Variants in TMEM132D observed in about 807,000 individuals in gnomAD.
The protein encoded by TMEM132D is mature OL transmembrane protein.
In TMEM132D, 21 loss-of-function variants were observed where a neutral mutation model predicts 62.3. The ratio of observed to expected loss-of-function variants is 0.34; its 90% confidence interval spans 0.24 to 0.49. TMEM132D has a LOEUF of 0.49. Among genes scored for constraint, TMEM132D ranks in the 20% least tolerant of loss-of-function variants. The pLI, the probability that TMEM132D is intolerant of heterozygous loss-of-function variation, is 0.99. For missense variants in TMEM132D, 1,346 were observed against 1,402.8 expected, an observed-to-expected ratio of 0.96 and a Z score of 0.65; for synonymous variants, 621 against 575.6, an observed-to-expected ratio of 1.08 and a Z score of -1.13.
intron 4 of TMEM132D, among the ~76,000 whole-genome samples, chr12:129,298,837 C>T (rs1366542742): frequency 2.0e-5 from 3 of 152,170 alleles, no homozygotes; most frequent in Non-Finnish European, 4.4e-5. Flanking sequence ...TAGTGACAGG[C>T]ACTGAACAAG....
At chr12:129,368,336 T>A (rs1297509426) in intron 3 of TMEM132D, among the ~76,000 whole-genome samples, 3 of 152,220 alleles carry the variant, frequency 2.0e-5, no homozygotes, top group African/African-American at 7.2e-5. Flanking sequence ...TGTCTGTATA[T>A]CTGTGTGAAA....
chr12:129,078,442 A>C, intron 8 of TMEM132D, 92 bp downstream of exon 8: 1 of 1,324,600 alleles, frequency 7.5e-7, no homozygotes, highest in Admixed American at 1.9e-5. Context: ...ATCCCACTCT[A>C]TTGTGCGACC....
At chr12:129,552,782 T>C (rs1366046712) in intron 2 of TMEM132D, among the ~76,000 whole-genome samples, 4 of 152,218 alleles carry the variant, frequency 2.6e-5, no homozygotes, top group African/African-American at 9.6e-5. Context: ...TCTAGCTACG[T>C]ACCTACCTAT....
intron 1 of TMEM132D, among the ~76,000 whole-genome samples, chr12:129,891,521 G>T (rs751989531): frequency 6.6e-6 from 1 of 152,180 alleles, no homozygotes; most frequent in Non-Finnish European, 1.5e-5. Flanking sequence ...CAGCGGACTG[G>T]ACACTTTCAA....
rs2135603295 is a variant in TMEM132D at position 129,074,482 on chromosome 12, T to C, written c.2693A>G (p.Asn898Ser). Residue 898 changes from asparagine (N) to serine (S), a missense_variant, in exon 9 of 9, where the codon AAT becomes AGT. Physicochemically the swap from Asn to Ser is conservative, Grantham distance 46. Transcript: ENST00000422113. ...FPAQVDLPRS[N>S]GEMDGNDLMQ... The stretch of plus-strand genomic sequence containing the variant: ...AAGGTCATTCCCATCCATTTCCCCA[T>C]TGCTTCTGGGGAGGTCCACCTGGGC... The C allele has an allele frequency of 2.5e-6, 4 of 1,614,116 alleles. No homozygotes were observed. Among genetic ancestry groups the C allele is most frequent in the Non-Finnish European group, 3.4e-6 (4 of 1,180,024 alleles).
At chr12:129,742,652 A>G (rs1024162371) in intron 1 of TMEM132D, among the ~76,000 whole-genome samples, 3 of 152,204 alleles carry the variant, frequency 2.0e-5, no homozygotes, top group African/African-American at 7.2e-5. Context: ...GCTGCAGAAA[A>G]TTTGATACTC....
At chr12:129,423,938 A>T (rs1872401111) in intron 3 of TMEM132D, among the ~76,000 whole-genome samples, 1 of 152,230 alleles carries the variant, frequency 6.6e-6, no homozygotes. Flanking sequence ...CTCATAGGTT[A>T]GGCTGCCCAG....
chr12:129,633,999 G>A (rs963835032), intron 2 of TMEM132D, among the ~76,000 whole-genome samples: 2 of 152,070 alleles, frequency 1.3e-5, no homozygotes, highest in Non-Finnish European at 2.9e-5. Context: ...TCCGTGTTGC[G>A]GAGGAAGTCC....
chr12:129,574,791 C>G (rs1371138542), intron 2 of TMEM132D, among the ~76,000 whole-genome samples: 2 of 151,738 alleles, frequency 1.3e-5, no homozygotes, highest in South Asian at 2.1e-4. Context: ...TGCTGCGCCC[C>G]TCAGTGTTCT....
Position 129,473,329 on chromosome 12 carries a change from T to TTTG in TMEM132D, c.1115+57729_1115+57730insCAA, listed in dbSNP as rs1555259218. Reference sequence around the variant, plus strand: ...ATAAAGTGATTTTAGTTTTTGTTTTTTTTTTTTTTTTTTTTTTGAGACCAA... The same window carrying TTTG: ...ATAAAGTGATTTTAGTTTTTGTTTTTTTGTTTTTTTTTTTTTTTTTGAGACCAA... On this transcript the variant is annotated intron_variant, in intron 3 of 8. Coordinates refer to ENST00000422113, the MANE Select transcript of TMEM132D (RefSeq NM_133448.3). Among the ~76,000 whole-genome samples, 1,217 of 133,300 alleles carry TTTG rather than the reference T, an allele frequency of 9.1e-3. 34 individuals are homozygous for TTTG. Among genetic ancestry groups the TTTG allele is most frequent in the African/African-American group, 0.033 (1,158 of 35,194 alleles). The allele number at this position is 133,300 out of a possible 152,430, so 87.4% of individuals were successfully genotyped here. A position where few individuals can be genotyped will look rare whatever the true frequency, so the allele number is the denominator to read the frequency against.
intron 1 of TMEM132D, among the ~76,000 whole-genome samples, chr12:129,902,384 G>T (rs1875389514): frequency 6.6e-6 from 1 of 152,180 alleles, no homozygotes; most frequent in Non-Finnish European, 1.5e-5. Flanking sequence ...AAAGGGGCAC[G>T]GGTGGGGGAA....
At chr12:129,195,489 C>T (rs79156740) in intron 5 of TMEM132D, among the ~76,000 whole-genome samples, 1,547 of 151,768 alleles carry the variant, frequency 0.01, 22 homozygotes, top group African/African-American at 0.035. Flanking sequence ...CTTTGACTCT[C>T]GGGTGGGGAG....
intron 4 of TMEM132D, among the ~76,000 whole-genome samples, chr12:129,243,588 C>T (rs777252363): frequency 2.0e-5 from 3 of 152,066 alleles, no homozygotes; most frequent in Non-Finnish European, 4.4e-5. Flanking sequence ...CAGATTAGAA[C>T]GACTGGAAAC....
intron 2 of TMEM132D, among the ~76,000 whole-genome samples, chr12:129,612,574 T>C (rs984191113): frequency 6.6e-6 from 1 of 152,182 alleles, no homozygotes; most frequent in Non-Finnish European, 1.5e-5. Context: ...TAAAAACGTA[T>C]TTGCTTCTGG....
intron 3 of TMEM132D, among the ~76,000 whole-genome samples, chr12:129,500,214 C>A (rs116575958): frequency 0.011 from 1,609 of 149,642 alleles, 28 homozygotes; most frequent in African/African-American, 0.039. Context: ...CAACTACATA[C>A]CCTGAGTGGG....
At chr12:129,440,062 C>T (rs1042413341) in intron 3 of TMEM132D, among the ~76,000 whole-genome samples, 8 of 152,164 alleles carry the variant, frequency 5.3e-5, no homozygotes, top group South Asian at 2.1e-4. Flanking sequence ...TGACCAAGTA[C>T]GGGTGTGCAA....
intron 1 of TMEM132D, among the ~76,000 whole-genome samples, chr12:129,854,139 A>G (rs965504848): frequency 6.6e-5 from 10 of 152,136 alleles, no homozygotes; most frequent in African/African-American, 2.4e-4. Context: ...CTAAGTGCAC[A>G]ATGCTTAACG....
chr12:129,502,866 AC>A (rs1321787392), intron 3 of TMEM132D, among the ~76,000 whole-genome samples: 1 of 152,170 alleles, frequency 6.6e-6, no homozygotes. Flanking sequence ...GGTTAGCTCT[AC>A]CCCAAGAAAA....
At chr12:129,330,303 G>C (rs897417235) in intron 4 of TMEM132D, among the ~76,000 whole-genome samples, 1 of 152,164 alleles carries the variant, frequency 6.6e-6, no homozygotes, top group South Asian at 2.1e-4. Context: ...CACGTCAGGA[G>C]GGGTTTACTG....
Sources: gnomAD v4.1 joint callset for allele counts (sites outside exome capture counted in the v4.1 genomes callset) on GRCh38, gnomAD v4.1.1 for gene constraint, MANE v1.5 for transcripts, NCBI Gene and HGNC (gene_info 2026-07-23, HGNC 2026-07-21) for gene names.